The following DAPK1 variants were observed in gnomAD, a reference collection of about 807,000 sequenced individuals.
DAPK1 encodes the protein death-associated protein kinase 1.
DAPK1 carries 56 observed loss-of-function variants against 144.9 expected under a neutral mutation model. The observed-to-expected ratio is 0.39, with a 90% CI of 0.31 to 0.48. The LOEUF (loss-of-function observed/expected upper bound fraction) is 0.48. Ranked by LOEUF, DAPK1 falls within the 20% of genes least tolerant of loss-of-function variation. The pLI is 0.95. For missense variants in DAPK1, 1,454 were observed against 1,875.4 expected, an observed-to-expected ratio of 0.78 and a Z score of 4.15; for synonymous variants, 690 against 749.0, an observed-to-expected ratio of 0.92 and a Z score of 1.29.
At chr9:87,560,368 A>G (rs1826866701) in intron 2 of DAPK1, among the ~76,000 whole-genome samples, 1 of 152,132 alleles carries the variant, frequency 6.6e-6, no homozygotes, top group Non-Finnish European at 1.5e-5. Flanking sequence ...CATTACATTT[A>G]CCATTTAAAC....
At chr9:87,576,643 C>T (rs775379130) in intron 2 of DAPK1, among the ~76,000 whole-genome samples, 2 of 152,132 alleles carry the variant, frequency 1.3e-5, no homozygotes, top group Non-Finnish European at 2.9e-5. Context: ...CTGCAACCTC[C>T]GCTTCCCAGG....
intron 21 of DAPK1, among the ~76,000 whole-genome samples, chr9:87,694,312 T>G (rs965217565): frequency 1.3e-5 from 2 of 152,236 alleles, no homozygotes; most frequent in Non-Finnish European, 2.9e-5. Flanking sequence ...CTCAGGCCAC[T>G]AAGAGGAGTG....
chr9:87,519,705 A>G (rs1825221105), intron 2 of DAPK1, among the ~76,000 whole-genome samples: 1 of 152,198 alleles, frequency 6.6e-6, no homozygotes, highest in Non-Finnish European at 1.5e-5. Flanking sequence ...GCAATGAGGT[A>G]GCACTGCTTC....
intron 19 of DAPK1, chr9:87,668,940 A>C: frequency 1.6e-5 from 6 of 367,738 alleles, no homozygotes; most frequent in Non-Finnish European, 1.0e-5. Flanking sequence ...CTCTATAATA[A>C]ACCACTCCCA....
rs1826410024 is a variant in DAPK1, at chr9:87,549,875, C to T, written c.62+50736C>T. Among the ~76,000 whole-genome samples, 6 of 152,134 alleles carry T rather than the reference C, an allele frequency of 3.9e-5. No individual in the cohort carries two copies. The South Asian group carries it at 1.2e-3, about 31-fold the overall frequency. ...GTCTGTTACCCAGATCCACAATGAA[C>T]ATTTTTTTTATCTTTCCCTCTGTCA... is the stretch of plus-strand genomic sequence containing the variant. On this transcript the variant is annotated intron_variant, in intron 2 of 25. Transcript: ENST00000408954.
At chr9:87,603,440 G>A (rs1683441130) in intron 2 of DAPK1, among the ~76,000 whole-genome samples, 1 of 152,120 alleles carries the variant, frequency 6.6e-6, no homozygotes, top group African/African-American at 2.4e-5. Context: ...GGACAAAGCG[G>A]GTATTAACAA....
Position 87,584,664 on chromosome 9 carries a change from T to TTG in DAPK1, c.63-20264_63-20263dup, listed in dbSNP as rs113125719. On this transcript the variant is annotated intron_variant, in intron 2 of 25. Coordinates refer to ENST00000408954, the MANE Select transcript of DAPK1 (RefSeq NM_004938.4). ...CTAACAAGTGAGAAATGATAGCTCA[T>TTG]TGTGTGTGTGTGTGTGTGTGTGTGT... Among the ~76,000 whole-genome samples the TTG allele has an allele frequency of 7.6e-3, 1,066 of 140,240 alleles. 12 individuals carry two copies. The highest frequency in any genetic ancestry group is 0.021 in the African/African-American group (857 of 40,410). 92.0% of individuals were successfully genotyped at this position (140,240 alleles called of 152,430 possible).
intron 21 of DAPK1, 143 bp from the exon 22 acceptor site, chr9:87,696,864 G>A: frequency 1.5e-6 from 1 of 686,872 alleles, no homozygotes. Context: ...CCATACCCAA[G>A]TCATAACAAG....
intron 2 of DAPK1, among the ~76,000 whole-genome samples, chr9:87,589,198 C>T (rs1306720390): frequency 6.6e-6 from 1 of 151,788 alleles, no homozygotes; most frequent in African/African-American, 2.4e-5. Flanking sequence ...CGTGAGCCAC[C>T]GCAACCGGCC....
Position 87,662,560 on chromosome 9 carries a change from G to GTTTTTTTTTTTTTTTTT in DAPK1, c.1923+4442_1923+4458dup, listed in dbSNP as rs71507734. Among the ~76,000 whole-genome samples the GTTTTTTTTTTTTTTTTT allele has an allele frequency of 5.6e-4, 18 of 32,134 alleles. 2 individuals are homozygous for GTTTTTTTTTTTTTTTTT. The highest frequency in any genetic ancestry group is 3.7e-3 in the East Asian group (4 of 1,084). The allele number at this position is 32,134 out of a possible 152,430, so 21.1% of individuals were successfully genotyped here. On this transcript the variant is annotated intron_variant, in intron 18 of 25. Coordinates refer to ENST00000408954, the MANE Select transcript of DAPK1 (RefSeq NM_004938.4). ...ACCTCCTTGGTTAAATATATTCCTA[G>GTTTTTTTTTTTTTTTTT]TTTTTTTTTTTTTTTTTTTTTTTTT...
At chr9:87,644,136 G>A (rs772168989) in intron 11 of DAPK1, among the ~76,000 whole-genome samples, 5 of 152,038 alleles carry the variant, frequency 3.3e-5, no homozygotes, top group African/African-American at 9.7e-5. Flanking sequence ...TTTGTTGTTC[G>A]GTACTCTCTA....
chr9:87,623,723 A>T (rs927997045), intron 3 of DAPK1, among the ~76,000 whole-genome samples: 1 of 152,096 alleles, frequency 6.6e-6, no homozygotes, highest in Non-Finnish European at 1.5e-5. Flanking sequence ...TGTGCCGGGG[A>T]TCGAGCTAAC....
intron 21 of DAPK1, 138 bp from the exon 22 acceptor site, chr9:87,696,869 A>T: frequency 1.4e-6 from 1 of 696,286 alleles, no homozygotes; most frequent in Non-Finnish European, 2.7e-6. Context: ...CCCAAGTCAT[A>T]ACAAGATGTA....
chr9:87,550,068 C>T (rs1475773267), intron 2 of DAPK1, among the ~76,000 whole-genome samples: 3 of 152,158 alleles, frequency 2.0e-5, no homozygotes, highest in Non-Finnish European at 4.4e-5. Flanking sequence ...GTCCTAAGCA[C>T]GTCCTTTGAT....
intron 21 of DAPK1, among the ~76,000 whole-genome samples, chr9:87,694,384 A>AGGCTCTTAGGG (rs1195368094): frequency 6.6e-6 from 1 of 152,116 alleles, no homozygotes; most frequent in African/African-American, 2.4e-5. Context: ...CAGCATATTC[A>AGGCTCTTAGGG]GGCTCTTAGG....
intron 2 of DAPK1, among the ~76,000 whole-genome samples, chr9:87,546,942 A>G (rs1226819169): frequency 6.6e-6 from 1 of 152,130 alleles, no homozygotes; most frequent in African/African-American, 2.4e-5. Flanking sequence ...GGATCTCTTG[A>G]GTTCAGGAGT....
intron 2 of DAPK1, among the ~76,000 whole-genome samples, chr9:87,504,919 GT>G (rs1282738384): frequency 6.6e-6 from 1 of 152,194 alleles, no homozygotes; most frequent in East Asian, 1.9e-4. Flanking sequence ...TACAGATGCA[GT>G]TTTTTCCTGA....
At chr9:87,591,737 A>G (rs1828142978) in intron 2 of DAPK1, among the ~76,000 whole-genome samples, 1 of 152,200 alleles carries the variant, frequency 6.6e-6, no homozygotes, top group South Asian at 2.1e-4. Context: ...GAGTTCTGTT[A>G]TTTTGCATTC....
chr9:87,651,610 C>T lies in DAPK1; in HGVS notation c.1710C>T (p.Val570=), dbSNP rs753545047. Residue 570 remains valine (V), a synonymous_variant, in exon 17 of 26, where the codon GTC becomes GTT. Transcript: ENST00000408954. ...IKTLLSQGCF[V]DYQDRHGNTP... ...CTCTCCTCAGCCAAGGGTGTTTCGT[C>T]GATTATCAAGACAGGCACGGCAATA... 163 of 1,613,928 alleles carry T rather than the reference C, an allele frequency of 1.0e-4. No homozygotes were observed. The South Asian group carries it at 1.5e-3, about 15-fold the overall frequency.
Sources: allele counts gnomAD v4.1 joint callset (sites outside exome capture counted in the v4.1 genomes callset), GRCh38; gene constraint gnomAD v4.1.1; transcripts MANE v1.5; gene names NCBI Gene and HGNC (gene_info 2026-07-23, HGNC 2026-07-21).